LRP1B: variants seen among roughly 807,000 people sequenced by gnomAD.
LRP1B encodes low-density lipoprotein receptor-related protein 1B.
A neutral mutation model predicts 556.6 loss-of-function variants in LRP1B; 217 were observed. The ratio of observed to expected loss-of-function variants is 0.39; its 90% confidence interval spans 0.35 to 0.44. LRP1B has a LOEUF of 0.44. Among genes scored for constraint, LRP1B ranks in the 20% least tolerant of loss-of-function variants. The pLI is 1.00. For synonymous variants in LRP1B, 2,047 were observed against 1,865.8 expected, an observed-to-expected ratio of 1.10 and a Z score of -2.50; for missense variants, 5,053 against 5,620.8, an observed-to-expected ratio of 0.90 and a Z score of 3.23.
intron 1 of LRP1B, among the ~76,000 whole-genome samples, chr2:141,908,327 TTCTG>T (rs1404448475): frequency 5.9e-5 from 9 of 152,084 alleles, no homozygotes. Context: ...GTTTACATAT[TTCTG>T]TCTTTGTTAA....
intron 7 of LRP1B, among the ~76,000 whole-genome samples, chr2:141,093,305 G>A (rs77098601): frequency 0.062 from 9,362 of 152,106 alleles, 365 homozygotes; most frequent in South Asian, 0.12. Context: ...GGAAGTCCTC[G>A]TCTGTTGCAC....
chr2:141,344,970 T>C (rs1038030840), intron 3 of LRP1B, among the ~76,000 whole-genome samples: 1 of 152,154 alleles, frequency 6.6e-6, no homozygotes, highest in Non-Finnish European at 1.5e-5. Flanking sequence ...CATTGCTAAA[T>C]AGCTGACATT....
intron 3 of LRP1B, among the ~76,000 whole-genome samples, chr2:141,376,278 T>C (rs1689433417): frequency 6.6e-6 from 1 of 152,196 alleles, no homozygotes; most frequent in African/African-American, 2.4e-5. Context: ...CCAGTGAGTC[T>C]AGGGTGTCTC....
chr2:140,788,857 T>C (rs2104980712), intron 32 of LRP1B, among the ~76,000 whole-genome samples: 1 of 152,282 alleles, frequency 6.6e-6, no homozygotes, highest in African/African-American at 2.4e-5. Context: ...GTCATATGGG[T>C]GGATCCTAAT....
intron 2 of LRP1B, among the ~76,000 whole-genome samples, chr2:141,802,609 C>T (rs758620202): frequency 1.3e-5 from 2 of 151,880 alleles, no homozygotes; most frequent in Non-Finnish European, 2.9e-5. Flanking sequence ...TGATGGAAGA[C>T]ATGGGGAGAG....
intron 60 of LRP1B, among the ~76,000 whole-genome samples, chr2:140,461,971 A>T (rs934071799): frequency 1.3e-5 from 2 of 152,220 alleles, no homozygotes; most frequent in African/African-American, 4.8e-5. Context: ...ACATGAGCTT[A>T]GAATTGACTT....
chr2:140,664,467 GA>G (rs1217121784), intron 41 of LRP1B, among the ~76,000 whole-genome samples: 1 of 151,574 alleles, frequency 6.6e-6, no homozygotes, highest in Non-Finnish European at 1.5e-5. Context: ...AAAAGATAAA[GA>G]AAAAAATTAA....
intron 1 of LRP1B, among the ~76,000 whole-genome samples, chr2:141,969,997 T>C (rs1015428705): frequency 6.6e-6 from 1 of 151,602 alleles, no homozygotes; most frequent in Non-Finnish European, 1.5e-5. Context: ...TGATATCTCA[T>C]TGCAGTTTTA....
rs1691924842 is a variant in LRP1B at position 141,701,068 on chromosome 2, G to A, written c.205+109211C>T. On this transcript the variant is annotated intron_variant, in intron 2 of 90. Transcript: ENST00000389484. ...AAATTTACTGCTCTTGGCTAAAGCT[G>A]TGTCACTGTGATTGGACTACTGCCT... Among the ~76,000 whole-genome samples, 4 of 151,894 alleles carry A rather than the reference G, an allele frequency of 2.6e-5. No homozygotes were observed. The South Asian group carries it at 8.3e-4, about 31-fold the overall frequency.
chr2:141,742,994 G>C (rs1693766758), intron 2 of LRP1B, among the ~76,000 whole-genome samples: 1 of 151,940 alleles, frequency 6.6e-6, no homozygotes, highest in African/African-American at 2.4e-5. Context: ...AGTTCTAACA[G>C]TTTTTCGGTG....
At chr2:141,948,624 A>G (rs1468030589) in intron 1 of LRP1B, among the ~76,000 whole-genome samples, 1 of 152,078 alleles carries the variant, frequency 6.6e-6, no homozygotes, top group African/African-American at 2.4e-5. Flanking sequence ...ACTCTTGATG[A>G]GCATTGAAGC....
rs190863661 is a variant in LRP1B at position 140,417,197 on chromosome 2, A to G, written c.10414+25307T>C. On this transcript the variant is annotated intron_variant, in intron 66 of 90. Coordinates refer to ENST00000389484, the MANE Select transcript of LRP1B (RefSeq NM_018557.3). ...AGCAATTATTGAAGGCTAACACTTC[A>G]TCAAATGTGTCCGCACTGACAGCAT... Among the ~76,000 whole-genome samples, 244 of 152,360 alleles carry G rather than the reference A, an allele frequency of 1.6e-3. 1 individual carries two copies. Among genetic ancestry groups the G allele is most frequent in the South Asian group, 3.9e-3 (19 of 4,826 alleles).
At chr2:141,500,649 T>C (rs1574017961) in intron 2 of LRP1B, among the ~76,000 whole-genome samples, 1 of 152,172 alleles carries the variant, frequency 6.6e-6, no homozygotes, top group Non-Finnish European at 1.5e-5. Context: ...TTAAAGTATA[T>C]GAAAGTTTCA....
chr2:140,866,986 G>A (rs1692970835), intron 27 of LRP1B, among the ~76,000 whole-genome samples: 1 of 152,056 alleles, frequency 6.6e-6, no homozygotes, highest in Admixed American at 6.6e-5. Flanking sequence ...ATTCAAATGA[G>A]ATTTCCAAGG....
chr2:141,342,008 G>A (rs900260927), intron 3 of LRP1B, among the ~76,000 whole-genome samples: 1 of 151,934 alleles, frequency 6.6e-6, no homozygotes, highest in African/African-American at 2.4e-5. Context: ...ACTTTGGGAG[G>A]CCGAGGCGGG....
intron 41 of LRP1B, among the ~76,000 whole-genome samples, chr2:140,671,573 G>A (rs1019246524): frequency 2.0e-5 from 3 of 152,276 alleles, no homozygotes; most frequent in Admixed American, 6.5e-5. Context: ...CCAGTTTCCA[G>A]GGAACATGCA....
chr2:140,416,723 T>C lies in LRP1B; in HGVS notation c.10414+25781A>G, dbSNP rs143928894. Reference sequence around the variant, plus strand: ...TGGTGGCAGGCTTTATAGTGGCAAGTGAATCCATGTACTTCAATTGCACAG... The same window carrying C: ...TGGTGGCAGGCTTTATAGTGGCAAGCGAATCCATGTACTTCAATTGCACAG... On this transcript the variant is annotated intron_variant, in intron 66 of 90. Coordinates refer to ENST00000389484, the MANE Select transcript of LRP1B (RefSeq NM_018557.3). Among the ~76,000 whole-genome samples the C allele has an allele frequency of 1.6e-3, 245 of 151,720 alleles. 1 individual carries two copies. The highest frequency in any genetic ancestry group is 5.8e-3 in the African/African-American group (242 of 41,396).
chr2:141,773,884 C>A (rs1046717373), intron 2 of LRP1B, among the ~76,000 whole-genome samples: 3 of 152,146 alleles, frequency 2.0e-5, no homozygotes, highest in African/African-American at 4.8e-5. Context: ...GTGGAAGTAG[C>A]TTAAACTTTG....
intron 77 of LRP1B, among the ~76,000 whole-genome samples, chr2:140,342,233 C>T (rs753195586): frequency 6.7e-6 from 1 of 148,820 alleles, no homozygotes; most frequent in Non-Finnish European, 1.5e-5. Context: ...TCCTGTTAGG[C>T]AATATATAAC....
Sources: allele counts gnomAD v4.1 joint callset (sites outside exome capture counted in the v4.1 genomes callset), GRCh38; gene constraint gnomAD v4.1.1; transcripts MANE v1.5; gene names NCBI Gene and HGNC (gene_info 2026-07-23, HGNC 2026-07-21).